The following TRPC3 variants were observed in gnomAD, a reference collection of about 807,000 sequenced individuals.
TRPC3 encodes the protein transient receptor potential cation channel subfamily C member 3.
A neutral mutation model predicts 90.9 loss-of-function variants in TRPC3; 54 were observed. The observed-to-expected ratio is 0.59, with a 90% CI of 0.48 to 0.75. The LOEUF (loss-of-function observed/expected upper bound fraction) is 0.75, where lower values mean the gene tolerates loss of function less well. Among genes scored for constraint, TRPC3 ranks in the 30% least tolerant of loss-of-function variants. The pLI, the probability that TRPC3 is intolerant of heterozygous loss-of-function variation, is 0.00. For synonymous variants in TRPC3, 424 were observed against 450.9 expected, an observed-to-expected ratio of 0.94 and a Z score of 0.75; for missense variants, 918 against 1,194.5, an observed-to-expected ratio of 0.77 and a Z score of 3.41.
intron 2 of TRPC3, among the ~76,000 whole-genome samples, chr4:121,930,399 T>C (rs1375666745): frequency 3.3e-5 from 5 of 152,200 alleles, no homozygotes; most frequent in African/African-American, 7.2e-5. Flanking sequence ...TTATTTGTGA[T>C]ATTTCCCCAC....
At chr4:121,924,979 T>C (rs1430747783) in intron 3 of TRPC3, 39 bp downstream of exon 3, 1 of 1,570,146 alleles carries the variant, frequency 6.4e-7, no homozygotes, top group African/African-American at 1.4e-5. Context: ...ATCACATGTT[T>C]ATTCTAATAT....
intron 10 of TRPC3, 89 bp downstream of exon 10, chr4:121,899,523 T>C (rs1399450377): frequency 9.2e-7 from 1 of 1,085,866 alleles, no homozygotes; most frequent in Non-Finnish European, 1.4e-6. Context: ...CTCAAGAATA[T>C]AACTCAACTC....
chr4:121,913,885 T>G (rs3805161), intron 4 of TRPC3, among the ~76,000 whole-genome samples: 48,457 of 152,064 alleles, frequency 0.32, 7,744 homozygotes, highest in East Asian at 0.4. Context: ...ACTCTGCCGG[T>G]GGAGACTGCT....
chr4:121,905,848 T>A (rs1664796943), intron 7 of TRPC3, among the ~76,000 whole-genome samples: 1 of 152,118 alleles, frequency 6.6e-6, no homozygotes, highest in Non-Finnish European at 1.5e-5. Context: ...AGAGTTACTC[T>A]CTATTACAAA....
chr4:121,903,105 A>C (rs1728759887), intron 8 of TRPC3, 44 bp from the exon 9 acceptor site: 3 of 1,530,274 alleles, frequency 2.0e-6, no homozygotes, highest in Non-Finnish European at 2.6e-6. Context: ...TAAATGCTAA[A>C]TATTCTAGTG....
chr4:121,915,752 C>T (rs1729291857), intron 3 of TRPC3, among the ~76,000 whole-genome samples: 1 of 152,038 alleles, frequency 6.6e-6, no homozygotes, highest in Admixed American at 6.6e-5. Flanking sequence ...TTTAGAAGGA[C>T]TGGGATTTCT....
intron 1 of TRPC3, among the ~76,000 whole-genome samples, chr4:121,934,725 G>C (rs910191468): frequency 2.0e-5 from 3 of 152,190 alleles, no homozygotes; most frequent in African/African-American, 7.2e-5. Context: ...AGAGGAATCA[G>C]AGGCACCTAC....
Position 121,951,507 on chromosome 4 carries a change from C to A in TRPC3, c.174G>T (p.Pro58=), listed in dbSNP as rs548386120. 546 of 1,365,478 alleles carry A rather than the reference C, an allele frequency of 4.0e-4. 1 individual carries two copies. Among genetic ancestry groups the A allele is most frequent in the Non-Finnish European group, 4.9e-4 (520 of 1,060,052 alleles). The allele number at this position is 1,365,478 out of a possible 1,614,324, so 84.6% of individuals were successfully genotyped here. A position where few individuals can be genotyped will look rare whatever the true frequency, so the allele number is the denominator to read the frequency against. The change falls in exon 1 of 12, where the codon CCG becomes CCT. Residue 58 remains proline (P), a synonymous_variant. Transcript: ENST00000379645. The surrounding 1 kb of genome is among the most constrained non-coding windows in gnomAD (Gnocchi z 4.4). ...EPRSAPSQRE[P]HGYCPPPFSH... is the part of the protein sequence containing the mutation. The stretch of plus-strand genomic sequence containing the variant: ...AGAAGGGCGGCGGGCAGTAGCCGTG[C>A]GGCTCCCGCTGCGAGGGCGCCGAGC...
chr4:121,904,216 C>T (rs1250793026), intron 8 of TRPC3, 106 bp downstream of exon 8: 12 of 967,344 alleles, frequency 1.2e-5, no homozygotes, highest in Non-Finnish European at 1.8e-5. Context: ...TGGATATAAG[C>T]CTCTTTGTTA....
chr4:121,903,159 T>C (rs1728762262), intron 8 of TRPC3, 98 bp from the exon 9 acceptor site: 8 of 1,018,132 alleles, frequency 7.9e-6, no homozygotes, highest in Non-Finnish European at 8.4e-6. Context: ...AGTTACGTTT[T>C]TGAAATAGGT....
At chr4:121,926,392 T>C (rs1578642590) in intron 2 of TRPC3, among the ~76,000 whole-genome samples, 1 of 146,108 alleles carries the variant, frequency 6.8e-6, no homozygotes, top group East Asian at 2.1e-4. Flanking sequence ...ATAAATATGA[T>C]TTTCTATTTT....
At chr4:121,950,785 G>A (rs1445915007) in intron 1 of TRPC3, 2 of 152,270 alleles carry the variant, frequency 1.3e-5, no homozygotes, top group Non-Finnish European at 2.9e-5. Flanking sequence ...GCGGTTCCCC[G>A]GCTGCCCGAT....
intron 3 of TRPC3, among the ~76,000 whole-genome samples, chr4:121,923,051 AAGAG>A (rs952567982): frequency 6.6e-5 from 10 of 152,156 alleles, no homozygotes; most frequent in Middle Eastern, 6.8e-3. Context: ...TGTGTGTCAG[AAGAG>A]AGAGAGACAG....
rs199896613 is a variant in TRPC3 at position 121,914,866 on chromosome 4, T to C, written c.1255A>G (p.Ile419Val). The C allele has an allele frequency of 1.9e-6, 3 of 1,613,898 alleles. No individual in the cohort carries two copies. Among genetic ancestry groups the C allele is most frequent in the Middle Eastern group, 1.7e-4 (1 of 6,060 alleles). Residue 419 changes from isoleucine (I) to valine (V), a missense_variant, in exon 4 of 12, where the codon ATA becomes GTA. By Grantham distance (29) the Ile-to-Val change is conservative. Around this residue, in one of 4 missense-constraint regions of TRPC3, gnomAD observed 609 missense variants for 725.9 expected, o/e 0.84. Transcript: ENST00000379645. ...ENLSGLREQT[I>V]AIKCLVVLVV... Reference sequence around the variant, plus strand: ...AGCACAACGAGACACTTGATAGCTATGGTCTGCTCCCTTAGGCCTGAGAGG... The same window carrying C: ...AGCACAACGAGACACTTGATAGCTACGGTCTGCTCCCTTAGGCCTGAGAGG...
chr4:121,939,655 G>T (rs1031176219), intron 1 of TRPC3, among the ~76,000 whole-genome samples: 1 of 152,256 alleles, frequency 6.6e-6, no homozygotes, highest in South Asian at 2.1e-4. Context: ...GAGCCAGGTA[G>T]CCTGCACTAA....
chr4:121,918,450 T>C (rs1729395749), intron 3 of TRPC3, among the ~76,000 whole-genome samples: 1 of 152,218 alleles, frequency 6.6e-6, no homozygotes. Flanking sequence ...AAGATGTGCT[T>C]TATGTCATTA....
intron 9 of TRPC3, among the ~76,000 whole-genome samples, chr4:121,902,332 G>A (rs1728732911): frequency 6.6e-6 from 1 of 151,894 alleles, no homozygotes; most frequent in African/African-American, 2.4e-5. Flanking sequence ...ATAACTCAAG[G>A]GTTTCTTGCT....
chr4:121,929,839 A>C (rs577253552), intron 2 of TRPC3, among the ~76,000 whole-genome samples: 1 of 152,144 alleles, frequency 6.6e-6, no homozygotes, highest in East Asian at 1.9e-4. Flanking sequence ...AAAAGGAAAA[A>C]AAATCACCTC....
chr4:121,906,970 G>T (rs1160962900), intron 7 of TRPC3, among the ~76,000 whole-genome samples: 1 of 152,042 alleles, frequency 6.6e-6, no homozygotes, highest in South Asian at 2.1e-4. Flanking sequence ...TTTGAAAGAA[G>T]AGTACTGGCT....
Sources: gnomAD v4.1 joint callset for allele counts (sites outside exome capture counted in the v4.1 genomes callset) on GRCh38, gnomAD v4.1.1 for gene constraint, gnomAD v4.1.1 regional missense constraint, Gnocchi (gnomAD v3.1) non-coding constraint, MANE v1.5 for transcripts, NCBI Gene and HGNC (gene_info 2026-07-23, HGNC 2026-07-21) for gene names.